HPSE2: variants seen among roughly 807,000 people sequenced by gnomAD.
HPSE2 encodes heparanase 2 (inactive).
A neutral mutation model predicts 60.5 loss-of-function variants in HPSE2; 38 were observed. That is an observed-to-expected ratio of 0.63 (90% confidence interval 0.48 to 0.82). The LOEUF is 0.82. Ranked by LOEUF, HPSE2 falls within the 40% of genes least tolerant of loss-of-function variation. The pLI, the probability that HPSE2 is intolerant of heterozygous loss-of-function variation, is 0.00. For synonymous variants in HPSE2, 295 were observed against 293.2 expected, an observed-to-expected ratio of 1.01 and a Z score of -0.06; for missense variants, 713 against 740.4, an observed-to-expected ratio of 0.96 and a Z score of 0.43.
rs1564832916 is a variant in HPSE2 at position 99,132,204 on chromosome 10, AGAG to A, written c.610+12031_610+12033del. On this transcript the variant is annotated intron_variant, in intron 3 of 11. Transcript: ENST00000370552. The stretch of plus-strand genomic sequence containing the variant: ...AAGAAAGAAAGAAAGAGAGAGAGAG[AGAG>A]AGAGAGAGAGAGAGAGAGAGAGAGA... Among the ~76,000 whole-genome samples the A allele has an allele frequency of 6.3e-3, 133 of 21,274 alleles. 5 individuals are homozygous for A. Among genetic ancestry groups the A allele is most frequent in the African/African-American group, 9.3e-3 (126 of 13,596 alleles). 14.0% of individuals were successfully genotyped at this position (21,274 alleles called of 152,430 possible). A position where few individuals can be genotyped will look rare whatever the true frequency, so the allele number is the denominator to read the frequency against.
chr10:98,917,101 T>C (rs1398323888), intron 3 of HPSE2, among the ~76,000 whole-genome samples: 1 of 152,078 alleles, frequency 6.6e-6, no homozygotes, highest in Non-Finnish European at 1.5e-5. Context: ...TTGTTGGGGG[T>C]GTATGAAAGG....
At chr10:98,976,113 G>C (rs1368914988) in intron 3 of HPSE2, among the ~76,000 whole-genome samples, 2 of 151,920 alleles carry the variant, frequency 1.3e-5, no homozygotes, top group Admixed American at 1.3e-4. Context: ...TTAATACAAC[G>C]ATCTCTGAGA....
At chr10:99,001,901 T>C (rs1449603612) in intron 3 of HPSE2, among the ~76,000 whole-genome samples, 1 of 152,140 alleles carries the variant, frequency 6.6e-6, no homozygotes, top group Non-Finnish European at 1.5e-5. Context: ...GGTCAGACTG[T>C]AATTAGTTTA....
At chr10:98,809,692 A>G (rs969590867) in intron 3 of HPSE2, among the ~76,000 whole-genome samples, 1 of 152,138 alleles carries the variant, frequency 6.6e-6, no homozygotes, top group Non-Finnish European at 1.5e-5. Context: ...ATAAAATCAT[A>G]TTAACAACTG....
At chr10:98,515,690 T>C (rs1302524909) in intron 9 of HPSE2, among the ~76,000 whole-genome samples, 2 of 152,196 alleles carry the variant, frequency 1.3e-5, no homozygotes, top group East Asian at 3.8e-4. Flanking sequence ...TTTCTAAACT[T>C]TCAGGAATGA....
the HPSE2 span, among the ~76,000 whole-genome samples, chr10:99,303,359 A>G: frequency 6.6e-6 from 1 of 152,144 alleles, no homozygotes; most frequent in Non-Finnish European, 1.5e-5. Flanking sequence ...TGATTAAGAG[A>G]CACATAGAAT....
intron 6 of HPSE2, among the ~76,000 whole-genome samples, chr10:98,658,897 A>G (rs1354639492): frequency 6.7e-6 from 1 of 150,324 alleles, no homozygotes; most frequent in Non-Finnish European, 1.5e-5. Context: ...ATGTATCTTG[A>G]TTGATACTGG....
At position 98,949,241 on chromosome 10, in the gene HPSE2, C is replaced by T. The variant is rs535972834; in HGVS notation, c.610+194997G>A. Among the ~76,000 whole-genome samples, 45 of 100,904 alleles carry T rather than the reference C, an allele frequency of 4.5e-4. 1 individual carries two copies. The highest frequency in any genetic ancestry group is 5.2e-3 in the Middle Eastern group (1 of 192). 66.2% of individuals were successfully genotyped at this position (100,904 alleles called of 152,430 possible). A position where few individuals can be genotyped will look rare whatever the true frequency, so the allele number is the denominator to read the frequency against. ...TAATCCTCCAACACGCACACGCACACGCATGCGTGCACACACACACACACA... is the reference window on the plus strand; with the variant it reads ...TAATCCTCCAACACGCACACGCACATGCATGCGTGCACACACACACACACA... On this transcript the variant is annotated intron_variant, in intron 3 of 11. Coordinates refer to ENST00000370552, the MANE Select transcript of HPSE2 (RefSeq NM_021828.5).
At chr10:98,809,524 G>GTA (rs150598388) in intron 3 of HPSE2, among the ~76,000 whole-genome samples, 9,805 of 151,294 alleles carry the variant, frequency 0.065, 1,011 homozygotes, top group African/African-American at 0.22. Context: ...GTGTTTATGT[G>GTA]TATATATATA....
intron 2 of HPSE2, among the ~76,000 whole-genome samples, chr10:99,182,355 G>A (rs982969167): frequency 4.6e-5 from 7 of 152,086 alleles, no homozygotes; most frequent in African/African-American, 1.7e-4. Context: ...AAATAACTTA[G>A]CCAGATCACA....
intron 5 of HPSE2, among the ~76,000 whole-genome samples, chr10:98,717,322 T>C (rs867096532): frequency 6.6e-6 from 1 of 152,144 alleles, no homozygotes; most frequent in East Asian, 1.9e-4. Context: ...CTTATCATTC[T>C]TGTGTTCACT....
chr10:99,048,001 C>T, intron 3 of HPSE2: 1 of 696,762 alleles, frequency 1.4e-6, no homozygotes. Context: ...TCAATGAAAC[C>T]TTTGCGAAGC....
intron 6 of HPSE2, among the ~76,000 whole-genome samples, chr10:98,692,356 A>G (rs1254320514): frequency 6.6e-6 from 1 of 152,018 alleles, no homozygotes; most frequent in East Asian, 1.9e-4. Flanking sequence ...GCAGAGGCCA[A>G]ACACAAAAGG....
At chr10:99,301,334 ACT>A in the HPSE2 span, among the ~76,000 whole-genome samples, 1 of 152,096 alleles carries the variant, frequency 6.6e-6, no homozygotes, top group Non-Finnish European at 1.5e-5. Context: ...ACTAGGGAAG[ACT>A]CTGACAGAGA....
rs140828202 is a variant in HPSE2 at position 99,167,982 on chromosome 10, TAGGG to T, written c.449-23587_449-23584del. Among the ~76,000 whole-genome samples, 1,391 of 152,158 alleles carry T rather than the reference TAGGG, an allele frequency of 9.1e-3. 16 individuals are homozygous for T. Among genetic ancestry groups the T allele is most frequent in the African/African-American group, 0.031 (1,298 of 41,522 alleles). On this transcript the variant is annotated intron_variant, in intron 2 of 11. Transcript: ENST00000370552. Reference sequence around the variant, plus strand: ...TCGTTATACATTTTATTAGATTAGTTAGGGAAGTTCCTTACTCTTCCAGTTTGCT... The same window carrying T: ...TCGTTATACATTTTATTAGATTAGTTAAGTTCCTTACTCTTCCAGTTTGCT...
At chr10:99,096,860 G>A (rs1843736261) in intron 3 of HPSE2, among the ~76,000 whole-genome samples, 2 of 152,146 alleles carry the variant, frequency 1.3e-5, no homozygotes, top group South Asian at 4.1e-4. Flanking sequence ...ATAGAAAAGG[G>A]CACAAGAGGC....
At chr10:98,627,735 A>G (rs1053026347) in intron 7 of HPSE2, among the ~76,000 whole-genome samples, 6 of 152,254 alleles carry the variant, frequency 3.9e-5, no homozygotes, top group Non-Finnish European at 7.3e-5. Context: ...GGCATATAGT[A>G]AGCACTTAGA....
chr10:98,803,291 A>C (rs1950961174), intron 3 of HPSE2, among the ~76,000 whole-genome samples: 1 of 150,142 alleles, frequency 6.7e-6, no homozygotes, highest in East Asian at 2.0e-4. Flanking sequence ...CTCTGATGGT[A>C]GTTTCTTTTG....
intron 9 of HPSE2, among the ~76,000 whole-genome samples, chr10:98,558,750 T>C (rs1167820807): frequency 2.0e-5 from 3 of 152,368 alleles, no homozygotes; most frequent in Admixed American, 2.0e-4. Context: ...TTTCTATACA[T>C]GTGTCATGTT....
Sources: gnomAD v4.1 joint callset for allele counts (sites outside exome capture counted in the v4.1 genomes callset) on GRCh38, gnomAD v4.1.1 for gene constraint, MANE v1.5 for transcripts, NCBI Gene and HGNC (gene_info 2026-07-23, HGNC 2026-07-21) for gene names.